ANKRD30B: variants seen among roughly 807,000 people sequenced by gnomAD.
The protein encoded by ANKRD30B is ankyrin repeat domain-containing protein 30B.
ANKRD30B carries 144 observed loss-of-function variants against 202.2 expected under a neutral mutation model. That is an observed-to-expected ratio of 0.71 (90% CI 0.62 to 0.82). The LOEUF (loss-of-function observed/expected upper bound fraction) is 0.82, where lower values mean the gene tolerates loss of function less well. ANKRD30B is among the 40% of genes least tolerant of loss of function. The pLI, the probability that ANKRD30B is intolerant of heterozygous loss-of-function variation, is 0.00. For synonymous variants in ANKRD30B, 508 were observed against 561.3 expected (o/e 0.91, Z 1.34); for missense variants, 1,487 against 1,669.1 (o/e 0.89, Z 1.90).
the ANKRD30B span, chr18:14,903,846 G>A: frequency 0.51 from 78,191 of 152,026 alleles, 20,376 homozygotes; most frequent in African/African-American, 0.54. Context: ...GAATCCTTAA[G>A]CACATTCCCA....
chr18:14,827,352 TTTGGACTATCA>T (rs1229552784), intron 32 of ANKRD30B, among the ~76,000 whole-genome samples: 1 of 152,200 alleles, frequency 6.6e-6, no homozygotes, highest in African/African-American at 2.4e-5. Flanking sequence ...ATTTAATATT[TTTGGACTATCA>T]TTGACCATGA....
chr18:14,923,895 G>C, the ANKRD30B span, among the ~76,000 whole-genome samples: 2 of 152,248 alleles, frequency 1.3e-5, no homozygotes, highest in African/African-American at 4.8e-5. Flanking sequence ...TACTGGGACT[G>C]TACTGAGTCA....
At chr18:14,938,274 A>G in the ANKRD30B span, among the ~76,000 whole-genome samples, 1 of 152,350 alleles carries the variant, frequency 6.6e-6, no homozygotes, top group South Asian at 2.1e-4. Context: ...AATAAATGCA[A>G]AGGTGTTTTA....
the ANKRD30B span, among the ~76,000 whole-genome samples, chr18:14,866,547 C>A: frequency 1.3e-5 from 2 of 152,282 alleles, no homozygotes; most frequent in Non-Finnish European, 2.9e-5. Flanking sequence ...CCAACGCTGG[C>A]AGCTGGAGCC....
chr18:14,753,125 T>G (rs1342136771), intron 3 of ANKRD30B, 113 bp downstream of exon 3: 1 of 842,554 alleles, frequency 1.2e-6, no homozygotes, highest in African/African-American at 1.7e-5. Context: ...TGAAAATAAT[T>G]TGAAAGAACT....
intron 30 of ANKRD30B, among the ~76,000 whole-genome samples, chr18:14,820,069 G>T (rs1461019139): frequency 6.6e-6 from 1 of 152,012 alleles, no homozygotes; most frequent in Non-Finnish European, 1.5e-5. Context: ...CCTTGAAGAG[G>T]TCCTTCACAT....
the ANKRD30B span, among the ~76,000 whole-genome samples, chr18:14,930,434 A>G: frequency 2.0e-5 from 3 of 152,128 alleles, no homozygotes; most frequent in Non-Finnish European, 4.4e-5. Context: ...CCACCCCTCA[A>G]ATGATTTCAG....
chr18:14,896,319 G>C, the ANKRD30B span, among the ~76,000 whole-genome samples: 2 of 152,056 alleles, frequency 1.3e-5, no homozygotes, highest in Non-Finnish European at 2.9e-5. Context: ...TTTTAGTAGA[G>C]ACGAGGTTTC....
chr18:14,774,124 C>T (rs1429946873), intron 9 of ANKRD30B, among the ~76,000 whole-genome samples: 2 of 152,090 alleles, frequency 1.3e-5, no homozygotes, highest in Admixed American at 6.5e-5. Context: ...CCATGTTTAA[C>T]TAATTGAATG....
At chr18:14,913,404 G>A in the ANKRD30B span, among the ~76,000 whole-genome samples, 1 of 152,074 alleles carries the variant, frequency 6.6e-6, no homozygotes, top group African/African-American at 2.4e-5. Flanking sequence ...ACAGAAGAGG[G>A]AATTTTATGA....
chr18:14,890,029 A>G, the ANKRD30B span: 5 of 1,253,530 alleles, frequency 4.0e-6, no homozygotes, highest in Non-Finnish European at 4.6e-6. Context: ...GCAAGATAGA[A>G]TTCACTTTCC....
chr18:14,754,963 T>C lies in ANKRD30B; in HGVS notation c.575T>C (p.Leu192Pro). The C allele has an allele frequency of 6.5e-7, 1 of 1,549,394 alleles. No individual in the cohort carries two copies. The highest frequency in any genetic ancestry group is 8.7e-7 in the Non-Finnish European group (1 of 1,146,630). Residue 192 changes from leucine to proline, a missense_variant, in exon 4 of 44, where the codon CTA becomes CCA. This residue lies in a region of ANKRD30B where 889 missense variants were observed against 841.4 expected (regional missense o/e 1.06). Coordinates refer to ENST00000690538, the MANE Select transcript of ANKRD30B (RefSeq NM_001367607.2). ...KRSKQTVEFLLTKNANANAFN... is the reference protein window; with the variant it reads ...KRSKQTVEFLPTKNANANAFN... The stretch of plus-strand genomic sequence containing the variant: ...AGCAAGCAAACTGTGGAATTTTTAC[T>C]AACAAAAAATGCAAATGCAAACGCA...
chr18:14,862,689 G>A, the ANKRD30B span, among the ~76,000 whole-genome samples: 1 of 152,284 alleles, frequency 6.6e-6, no homozygotes, highest in South Asian at 2.1e-4. Context: ...TCCCTGAATG[G>A]TAGAGCCACG....
At chr18:14,908,097 C>T in the ANKRD30B span, among the ~76,000 whole-genome samples, 1 of 152,080 alleles carries the variant, frequency 6.6e-6, no homozygotes, top group Non-Finnish European at 1.5e-5. Context: ...TGACCGAAAA[C>T]AGGTATGTTG....
intron 37 of ANKRD30B, among the ~76,000 whole-genome samples, 179 bp downstream of exon 37, chr18:14,840,857 A>G (rs1284390821): frequency 6.6e-6 from 1 of 152,184 alleles, no homozygotes; most frequent in Non-Finnish European, 1.5e-5. Context: ...TGAGAGTGCC[A>G]AAAAAGAGCT....
At chr18:14,900,985 A>G in the ANKRD30B span, among the ~76,000 whole-genome samples, 2 of 152,304 alleles carry the variant, frequency 1.3e-5, no homozygotes, top group South Asian at 4.1e-4. Flanking sequence ...ATCTTAACTA[A>G]TGCACCCCAA....
chr18:14,806,259 C>G (rs550865659), intron 24 of ANKRD30B, among the ~76,000 whole-genome samples: 2 of 150,222 alleles, frequency 1.3e-5, no homozygotes, highest in African/African-American at 4.9e-5. Context: ...TGCATTTTTA[C>G]TTTCCACCAC....
the ANKRD30B span, among the ~76,000 whole-genome samples, chr18:14,886,254 A>G: frequency 6.6e-6 from 1 of 152,040 alleles, no homozygotes; most frequent in Non-Finnish European, 1.5e-5. Context: ...TGACAGTTGT[A>G]TATCTACCCA....
intron 15 of ANKRD30B, among the ~76,000 whole-genome samples, chr18:14,789,463 C>T (rs1968317504): frequency 6.6e-6 from 1 of 152,094 alleles, no homozygotes; most frequent in Admixed American, 6.5e-5. Flanking sequence ...GAAGTCCTTG[C>T]CCATGCCTAT....
Sources: gnomAD v4.1 joint callset for allele counts (sites outside exome capture counted in the v4.1 genomes callset) on GRCh38, gnomAD v4.1.1 for gene constraint, gnomAD v4.1.1 regional missense constraint, MANE v1.5 for transcripts, NCBI Gene and HGNC (gene_info 2026-07-23, HGNC 2026-07-21) for gene names.